Variants in B3GAT2 observed in about 807,000 individuals in gnomAD.
The protein encoded by B3GAT2 is galactosylgalactosylxylosylprotein 3-beta-glucuronosyltransferase 2.
B3GAT2 carries 26 observed loss-of-function variants against 27.8 expected under a neutral mutation model. The observed-to-expected ratio is 0.93, with a 90% CI of 0.68 to 1.30. B3GAT2 has a LOEUF of 1.30. B3GAT2 is among the 50% of genes most tolerant of loss of function. B3GAT2 has a pLI of 0.00. For missense variants in B3GAT2, 458 were observed against 459.0 expected, an observed-to-expected ratio of 1.00 and a Z score of 0.02; for synonymous variants, 218 against 195.1, an observed-to-expected ratio of 1.12 and a Z score of -0.98.
chr6:70,949,646 T>C (rs12193350), intron 1 of B3GAT2, among the ~76,000 whole-genome samples: 105,402 of 147,470 alleles, frequency 0.71, 37,998 homozygotes, highest in African/African-American at 0.77. Context: ...GTCAGTGTGG[T>C]GATTCCTCAG....
intron 1 of B3GAT2, among the ~76,000 whole-genome samples, chr6:70,907,687 TA>T (rs1413451267): frequency 5.3e-5 from 8 of 152,168 alleles, no homozygotes; most frequent in African/African-American, 1.9e-4. Flanking sequence ...AAAAACAATC[TA>T]TGTGATCCAC....
chr6:70,919,067 C>T (rs905523828), intron 1 of B3GAT2, among the ~76,000 whole-genome samples: 9 of 152,156 alleles, frequency 5.9e-5, no homozygotes, highest in Non-Finnish European at 1.2e-4. Flanking sequence ...CACATAGTCC[C>T]GTATTTCTTG....
chr6:70,940,788 C>T (rs867218049), intron 1 of B3GAT2, among the ~76,000 whole-genome samples: 1 of 152,100 alleles, frequency 6.6e-6, no homozygotes, highest in Non-Finnish European at 1.5e-5. Flanking sequence ...ATTAGCCAGG[C>T]ATGATGGCTT....
rs1475793386 is a variant in B3GAT2 at position 70,956,934 on chromosome 6, C to A, written c.-505G>T. ...TGGGGGCTTTCCTTCCTCACATTCC[C>A]GCCGGGGTGGCGAGGAGCGGGTGGA... is the stretch of plus-strand genomic sequence containing the variant. On this transcript the variant is annotated 5_prime_UTR_variant, in exon 1 of 4. Transcript: ENST00000230053. 2.0e-6 allele frequency: 2 copies of A among 1,010,048 alleles called. No individual in the cohort carries two copies. Among genetic ancestry groups the A allele is most frequent in the Non-Finnish European group, 2.4e-6 (2 of 846,798 alleles). 62.6% of individuals were successfully genotyped at this position (1,010,048 alleles called of 1,614,324 possible).
At chr6:70,908,328 T>C (rs1772633100) in intron 1 of B3GAT2, among the ~76,000 whole-genome samples, 1 of 152,240 alleles carries the variant, frequency 6.6e-6, no homozygotes, top group African/African-American at 2.4e-5. Flanking sequence ...GCTTTCCATC[T>C]TGGCCATCTT....
chr6:70,933,039 T>A (rs775493775), intron 1 of B3GAT2, among the ~76,000 whole-genome samples: 4 of 152,160 alleles, frequency 2.6e-5, no homozygotes, highest in Admixed American at 2.0e-4. Flanking sequence ...GGCTAAGCCA[T>A]CCTCCTGCCT....
At chr6:70,916,396 C>A (rs1478749789) in intron 1 of B3GAT2, among the ~76,000 whole-genome samples, 1 of 152,158 alleles carries the variant, frequency 6.6e-6, no homozygotes, top group Non-Finnish European at 1.5e-5. Context: ...TTATTTATTT[C>A]TCTTGCCTTA....
chr6:70,955,720 C>T (rs1397519615), intron 1 of B3GAT2, 119 bp downstream of exon 1: 2 of 1,211,716 alleles, frequency 1.7e-6, no homozygotes, highest in Non-Finnish European at 2.2e-6. Flanking sequence ...CGAATGCGCG[C>T]ACGGAGAACT....
chr6:70,918,252 GGTA>G (rs879618114), intron 1 of B3GAT2, among the ~76,000 whole-genome samples: 6 of 151,978 alleles, frequency 3.9e-5, no homozygotes, highest in Non-Finnish European at 7.4e-5. Flanking sequence ...CCATTTGCTT[GGTA>G]GATCTTCTTC....
chr6:70,917,215 G>C (rs1219226480), intron 1 of B3GAT2, among the ~76,000 whole-genome samples: 1 of 152,148 alleles, frequency 6.6e-6, no homozygotes, highest in African/African-American at 2.4e-5. Context: ...TCTGATGATA[G>C]TTTGTATTTC....
chr6:70,946,423 T>C (rs1314100068), intron 1 of B3GAT2, among the ~76,000 whole-genome samples: 1 of 151,434 alleles, frequency 6.6e-6, no homozygotes, highest in Non-Finnish European at 1.5e-5. Flanking sequence ...AAGGCAGGGG[T>C]TGCAATCCTA....
chr6:70,955,267 T>C (rs1449345420), intron 1 of B3GAT2, among the ~76,000 whole-genome samples: 1 of 152,102 alleles, frequency 6.6e-6, no homozygotes, highest in African/African-American at 2.4e-5. Flanking sequence ...TCAGTGTTTC[T>C]TCTAACAACC....
At chr6:70,896,223 C>A (rs1772382932) in intron 1 of B3GAT2, among the ~76,000 whole-genome samples, 1 of 151,946 alleles carries the variant, frequency 6.6e-6, no homozygotes. Context: ...CACAGAAAAC[C>A]CACACATGGA....
Position 70,856,875 on chromosome 6 carries a change from C to T in B3GAT2, c.*4788G>A. 1 of 1,612,140 alleles carries T rather than the reference C, an allele frequency of 6.2e-7. No homozygotes were observed. The stretch of plus-strand genomic sequence containing the variant: ...TTGTCTCAGGGGACACCCTCTGCAC[C>T]AGCAGCTGCAACCCTGTCTACAGTA... On this transcript the variant is annotated 3_prime_UTR_variant, in exon 4 of 4. Coordinates refer to ENST00000230053, the MANE Select transcript of B3GAT2 (RefSeq NM_080742.3).
intron 1 of B3GAT2, among the ~76,000 whole-genome samples, chr6:70,910,034 C>T (rs918390016): frequency 5.0e-4 from 72 of 142,592 alleles, no homozygotes; most frequent in African/African-American, 1.7e-3. Context: ...CCACCACACC[C>T]GGCTAATTTT....
chr6:70,873,839 A>T (rs543769484), intron 2 of B3GAT2, among the ~76,000 whole-genome samples: 1 of 151,990 alleles, frequency 6.6e-6, no homozygotes, highest in Admixed American at 6.6e-5. Flanking sequence ...CCTCTATTGA[A>T]TTTTTTGTTT....
intron 2 of B3GAT2, among the ~76,000 whole-genome samples, chr6:70,873,355 TC>T (rs1771966737): frequency 6.6e-6 from 1 of 152,190 alleles, no homozygotes; most frequent in South Asian, 2.1e-4. Context: ...TTTCTTTTTT[TC>T]CTTCCAGTAC....
chr6:70,945,261 G>A (rs886268701), intron 1 of B3GAT2, among the ~76,000 whole-genome samples: 7 of 152,158 alleles, frequency 4.6e-5, no homozygotes, highest in Admixed American at 2.6e-4. Flanking sequence ...GGCTTCAGAC[G>A]TTCAAACTAC....
chr6:70,945,600 T>C (rs546747456), intron 1 of B3GAT2, among the ~76,000 whole-genome samples: 13 of 150,894 alleles, frequency 8.6e-5, no homozygotes, highest in African/African-American at 3.2e-4. Flanking sequence ...CGTCTGATTG[T>C]GTACCTGAAA....
Sources: allele counts gnomAD v4.1 joint callset (sites outside exome capture counted in the v4.1 genomes callset), GRCh38; gene constraint gnomAD v4.1.1; transcripts MANE v1.5; gene names NCBI Gene and HGNC (gene_info 2026-07-23, HGNC 2026-07-21).